Variants in ATRN observed in about 807,000 individuals in gnomAD.
The protein encoded by ATRN is attractin.
A neutral mutation model predicts 178.7 loss-of-function variants in ATRN; 54 were observed. That is an observed-to-expected ratio of 0.30 (90% CI 0.24 to 0.38). The LOEUF (loss-of-function observed/expected upper bound fraction) is 0.38, where lower values mean the gene tolerates loss of function less well. ATRN is among the 10% of genes least tolerant of loss of function. The probability of loss-of-function intolerance (pLI) is 1.00; values close to 1 mark genes in which losing one functional copy is unlikely to be tolerated. For synonymous variants in ATRN, 636 were observed against 663.0 expected, an observed-to-expected ratio of 0.96 and a Z score of 0.63; for missense variants, 1,443 against 1,815.1, an observed-to-expected ratio of 0.79 and a Z score of 3.73.
In ATRN at chr20:3,472,055, C is replaced by T. The variant is rs75974947; in HGVS notation, c.410+538C>T. Among the ~76,000 whole-genome samples, 355 of 152,240 alleles carry T rather than the reference C, an allele frequency of 2.3e-3. 1 individual carries two copies. Among genetic ancestry groups the T allele is most frequent in the African/African-American group, 8.2e-3 (340 of 41,512 alleles). ...AGGGATAGAAGGACCAGTGGTCCTT[C>T]TAAAGGAAAGTGAGGAAACTAGCCT... is the stretch of plus-strand genomic sequence containing the variant. On this transcript the variant is annotated intron_variant, in intron 1 of 28. Transcript: ENST00000262919.
At chr20:3,525,172 A>G (rs1217855427) in intron 1 of ATRN, among the ~76,000 whole-genome samples, 2 of 152,186 alleles carry the variant, frequency 1.3e-5, no homozygotes, top group Non-Finnish European at 1.5e-5. Flanking sequence ...AAAGAAGAAA[A>G]GAGAGAAGAA....
chr20:3,517,056 C>T (rs185904673), intron 1 of ATRN, among the ~76,000 whole-genome samples: 4 of 152,216 alleles, frequency 2.6e-5, no homozygotes, highest in African/African-American at 7.2e-5. Context: ...TTTGAGGAAT[C>T]GCCACACTGT....
chr20:3,553,158 A>G (rs1310521561), intron 6 of ATRN, among the ~76,000 whole-genome samples: 1 of 152,108 alleles, frequency 6.6e-6, no homozygotes, highest in East Asian at 1.9e-4. Context: ...TAGTGCTGCC[A>G]CCATGAGAAG....
intron 27 of ATRN, among the ~76,000 whole-genome samples, chr20:3,639,580 T>C (rs1461526267): frequency 6.6e-6 from 1 of 151,956 alleles, no homozygotes; most frequent in African/African-American, 2.4e-5. Context: ...TGGGGAATTT[T>C]TTAAGCAGCA....
At chr20:3,529,806 A>G (rs1364545340) in intron 1 of ATRN, among the ~76,000 whole-genome samples, 1 of 152,194 alleles carries the variant, frequency 6.6e-6, no homozygotes, top group Non-Finnish European at 1.5e-5. Context: ...ACTTTTCACT[A>G]AGATTGATTA....
intron 5 of ATRN, among the ~76,000 whole-genome samples, chr20:3,548,069 T>TA (rs1204182214): frequency 1.8e-4 from 27 of 152,200 alleles, no homozygotes; most frequent in African/African-American, 6.3e-4. Flanking sequence ...ATTTTAGAGT[T>TA]AATAATTGAA....
rs747640184 is a variant in ATRN at position 3,575,909 on chromosome 20, C to G, written c.2175C>G (p.Asp725Glu). Reference sequence around the variant, plus strand: ...CCAATGACTGCCACTGGTGCAATGACCATTGTGTCCCCAGGAACCACAGCT... The same window carrying G: ...CCAATGACTGCCACTGGTGCAATGAGCATTGTGTCCCCAGGAACCACAGCT... ...ANTNDCHWCN[D>E]HCVPRNHSCS... The change falls in exon 13 of 29, where the codon GAC (aspartate) becomes GAG (glutamate). Residue 725 changes from aspartate to glutamate, a missense_variant. This residue lies in a region of ATRN where 862 missense variants were observed against 972.1 expected (regional missense o/e 0.89). Transcript: ENST00000262919. 1 of 1,613,990 alleles carries G rather than the reference C, an allele frequency of 6.2e-7. No homozygotes were observed. The highest frequency in any genetic ancestry group is 1.3e-5 in the African/African-American group (1 of 74,916).
Position 3,471,395 on chromosome 20 carries a change from C to G in ATRN, c.288C>G (p.Ala96=), listed in dbSNP as rs1378352649. 1.3e-6 allele frequency: 2 copies of G among 1,488,666 alleles called. No individual in the cohort carries two copies. The highest frequency in any genetic ancestry group is 1.3e-5 in the South Asian group (1 of 78,118). The allele number at this position is 1,488,666 out of a possible 1,614,324, so 92.2% of individuals were successfully genotyped here. A position where few individuals can be genotyped will look rare whatever the true frequency, so the allele number is the denominator to read the frequency against. ...AAAAVSGSAA[A]EAKECDRPCV... ...CGGCGGTGTCGGGCTCAGCCGCAGC[C>G]GAGGCCAAGGAATGTGACCGGCCCT... Residue 96 remains alanine (A), a synonymous_variant, in exon 1 of 29, where the codon GCC becomes GCG. Coordinates refer to ENST00000262919, the MANE Select transcript of ATRN (RefSeq NM_139321.3).
chr20:3,486,648 C>T lies in ATRN; in HGVS notation c.410+15131C>T, dbSNP rs144243097. ...CTGTCCGCCTTGGCCTCCCAAAGTG[C>T]TGGGATTACAGGTGTGAGCCACCAC... On this transcript the variant is annotated intron_variant, in intron 1 of 28. Transcript: ENST00000262919. 7.6e-3 allele frequency among the ~76,000 whole-genome samples: 1,159 copies of T among 152,222 alleles called. 11 individuals carry two copies. The highest frequency in any genetic ancestry group is 0.031 in the Middle Eastern group (9 of 294).
intron 14 of ATRN, 84 bp from the exon 15 acceptor site, chr20:3,578,498 G>T: frequency 8.2e-7 from 1 of 1,226,788 alleles, no homozygotes; most frequent in South Asian, 1.6e-5. Context: ...AGGCCATTTC[G>T]GTATTCAGTA....
intron 1 of ATRN, among the ~76,000 whole-genome samples, chr20:3,498,677 G>T (rs940731529): frequency 1.3e-5 from 2 of 152,054 alleles, no homozygotes; most frequent in Admixed American, 6.6e-5. Flanking sequence ...TTGATGGGAC[G>T]TATTTCAAAA....
intron 25 of ATRN, chr20:3,629,042 G>C: frequency 1.0e-6 from 1 of 985,226 alleles, no homozygotes. Flanking sequence ...ACATGGCTCT[G>C]CTGGTTCCAA....
At chr20:3,500,633 CAGTG>C (rs1384337527) in intron 1 of ATRN, among the ~76,000 whole-genome samples, 5 of 139,840 alleles carry the variant, frequency 3.6e-5, no homozygotes, top group Admixed American at 8.0e-5. Flanking sequence ...GGGAATTGAA[CAGTG>C]AGAACTCATG....
intron 1 of ATRN, among the ~76,000 whole-genome samples, chr20:3,472,365 C>A (rs944031581): frequency 1.3e-5 from 2 of 152,154 alleles, no homozygotes; most frequent in Admixed American, 6.5e-5. Context: ...GCGCACATAA[C>A]CCTAGTCATA....
rs531244767 is a variant in ATRN, at chr20:3,644,557, C to T, written c.4165+289C>T. Among the ~76,000 whole-genome samples the T allele has an allele frequency of 4.6e-5, 7 of 152,282 alleles. No individual in the cohort carries two copies. The East Asian group carries it at 7.7e-4, about 17-fold the overall frequency. On this transcript the variant is annotated intron_variant, in intron 28 of 28. Coordinates refer to ENST00000262919, the MANE Select transcript of ATRN (RefSeq NM_139321.3). ...CTCTGACCACACCTTCCTTTGCTGT[C>T]GGAGTTTCTGGTCCCCCTTTGCCTC...
In ATRN at chr20:3,596,386, A is replaced by G. The variant is rs1489867085; in HGVS notation, c.3426A>G (p.Val1142=). The part of the protein sequence containing the change: ...VKGDECQLCE[V]ENRYQGNPLR... ...CTTTTTTCCCCCCCAGATGTGAGGTAGAAAATCGATACCAAGGAAACCCTC... is the reference window on the plus strand; with the variant it reads ...CTTTTTTCCCCCCCAGATGTGAGGTGGAAAATCGATACCAAGGAAACCCTC... Residue 1142 remains valine (V), a synonymous_variant, in exon 21 of 29, where the codon GTA becomes GTG. Coordinates refer to ENST00000262919, the MANE Select transcript of ATRN (RefSeq NM_139321.3). The G allele has an allele frequency of 6.2e-7, 1 of 1,613,532 alleles. No individual in the cohort carries two copies. Among genetic ancestry groups the G allele is most frequent in the African/African-American group, 1.3e-5 (1 of 74,934 alleles).
intron 22 of ATRN, among the ~76,000 whole-genome samples, chr20:3,599,370 T>G (rs1369456381): frequency 6.6e-6 from 1 of 152,210 alleles, no homozygotes. Context: ...TTGTAATACT[T>G]CTTAACCAGG....
intron 24 of ATRN, among the ~76,000 whole-genome samples, chr20:3,616,334 C>T (rs1262841182): frequency 6.6e-6 from 1 of 152,182 alleles, no homozygotes; most frequent in East Asian, 1.9e-4. Context: ...CCCAGAGCAG[C>T]AGCTGTGAGT....
chr20:3,503,690 G>A (rs1029108397), intron 1 of ATRN, among the ~76,000 whole-genome samples: 4 of 152,046 alleles, frequency 2.6e-5, no homozygotes, highest in African/African-American at 9.7e-5. Context: ...TTGGAAGAAA[G>A]CAAACTGCAA....
Sources: allele counts gnomAD v4.1 joint callset (sites outside exome capture counted in the v4.1 genomes callset), GRCh38; gene constraint gnomAD v4.1.1; regional missense constraint gnomAD v4.1.1; transcripts MANE v1.5; gene names NCBI Gene and HGNC (gene_info 2026-07-23, HGNC 2026-07-21).